Variants in CCDC47 observed in about 807,000 individuals in gnomAD.
CCDC47 encodes coiled-coil domain containing 47.
CCDC47 carries 41 observed loss-of-function variants against 60.5 expected under a neutral mutation model. That is an observed-to-expected ratio of 0.68 (90% CI 0.53 to 0.88). The LOEUF (loss-of-function observed/expected upper bound fraction) is 0.88, where lower values mean the gene tolerates loss of function less well. CCDC47 is among the 40% of genes least tolerant of loss of function. The probability of loss-of-function intolerance (pLI) is 0.00; values close to 1 mark genes in which losing one functional copy is unlikely to be tolerated. For missense variants in CCDC47, 513 were observed against 580.9 expected (o/e 0.88, Z 1.20); for synonymous variants, 195 against 190.7 (o/e 1.02, Z -0.18).
intron 4 of CCDC47, chr17:63,762,053 C>A: frequency 2.1e-6 from 2 of 973,758 alleles, no homozygotes; most frequent in Non-Finnish European, 2.4e-6. Context: ...CTCACTATGT[C>A]TCCTATGAAT....
chr17:63,771,026 AAG>A (rs2039335728), intron 1 of CCDC47, among the ~76,000 whole-genome samples: 1 of 131,624 alleles, frequency 7.6e-6, no homozygotes, highest in South Asian at 2.9e-4. Flanking sequence ...GGAAGGAAGG[AAG>A]GAAGGAAGGA....
rs755980966 is a variant in CCDC47 at position 63,764,044 on chromosome 17, C to G, written c.519G>C (p.Glu173Asp). 3 of 1,593,030 alleles carry G rather than the reference C, an allele frequency of 1.9e-6. No individual in the cohort carries two copies. The highest frequency in any genetic ancestry group is 2.6e-6 in the Non-Finnish European group (3 of 1,174,280). ...LAQAWFNTHR[E>D]LLESNFTLVG... is the part of the protein sequence containing the mutation. ...CTAAAGTAAAGTTGCTCTCCAAAAG[C>G]TCCCTATGAGTGTTAAACCAGGCCT... The change falls in exon 4 of 13, where the codon GAG becomes GAC. Residue 173 changes from glutamate (E) to aspartate (D), a missense_variant. Physicochemically the swap from Glu to Asp is conservative, Grantham distance 45. Coordinates refer to ENST00000225726, the MANE Select transcript of CCDC47 (RefSeq NM_020198.3).
Position 63,752,819 on chromosome 17 carries a change from AATT to A in CCDC47, c.1035-23_1035-21del, listed in dbSNP as rs753225025. 2 of 1,608,578 alleles carry A rather than the reference AATT, an allele frequency of 1.2e-6. No homozygotes were observed. The highest frequency in any genetic ancestry group is 2.2e-5 in the South Asian group (2 of 90,292). On this transcript the variant is annotated intron_variant, in intron 9 of 12. Coordinates refer to ENST00000225726, the MANE Select transcript of CCDC47 (RefSeq NM_020198.3). ...CCTTCCCTGTCATAAAAGAAAAGGCAATTAAGAAGGAATACAAGAAAGATGTTT... is the reference window on the plus strand; with the variant it reads ...CCTTCCCTGTCATAAAAGAAAAGGCAAAGAAGGAATACAAGAAAGATGTTT...
rs755980966 is a variant in CCDC47, at chr17:63,764,044, C to T, written c.519G>A (p.Glu173=). Reference sequence around the variant, plus strand: ...CTAAAGTAAAGTTGCTCTCCAAAAGCTCCCTATGAGTGTTAAACCAGGCCT... The same window carrying T: ...CTAAAGTAAAGTTGCTCTCCAAAAGTTCCCTATGAGTGTTAAACCAGGCCT... ...LAQAWFNTHR[E]LLESNFTLVG... The change falls in exon 4 of 13, where the codon GAG becomes GAA. Residue 173 remains glutamate, a synonymous_variant. Coordinates refer to ENST00000225726, the MANE Select transcript of CCDC47 (RefSeq NM_020198.3). 2.3e-5 allele frequency: 37 copies of T among 1,593,030 alleles called. No homozygotes were observed. Among genetic ancestry groups the T allele is most frequent in the South Asian group, 2.3e-4 (20 of 86,676 alleles).
chr17:63,756,979 G>A (rs1263481373), intron 6 of CCDC47, among the ~76,000 whole-genome samples: 2 of 152,094 alleles, frequency 1.3e-5, no homozygotes, highest in Non-Finnish European at 2.9e-5. Context: ...AGGGACTACA[G>A]TAGTTCGTGC....
At position 63,746,466 on chromosome 17, in the gene CCDC47, C is replaced by T. The variant is rs183612015; in HGVS notation, c.*415G>A. ...TATTTGCAGAATCTTGGTTTAGAGTCAGTCTTTATAGCCATTTCAACTGCT... is the reference window on the plus strand; with the variant it reads ...TATTTGCAGAATCTTGGTTTAGAGTTAGTCTTTATAGCCATTTCAACTGCT... On this transcript the variant is annotated 3_prime_UTR_variant, in exon 13 of 13. Transcript: ENST00000225726. The T allele has an allele frequency of 1.6e-3, 255 of 157,634 alleles. No homozygotes were observed. The highest frequency in any genetic ancestry group is 3.4e-3 in the Middle Eastern group (1 of 298). 9.8% of individuals were successfully genotyped at this position (157,634 alleles called of 1,614,324 possible).
At chr17:63,761,849 AAC>A in intron 4 of CCDC47, 1 of 966,268 alleles carries the variant, frequency 1.0e-6, no homozygotes, top group Non-Finnish European at 1.2e-6. Context: ...TTACTTTTAA[AAC>A]TATTGTCTGT....
intron 1 of CCDC47, among the ~76,000 whole-genome samples, chr17:63,767,442 C>A (rs2039305208): frequency 6.6e-6 from 1 of 151,970 alleles, no homozygotes; most frequent in South Asian, 2.1e-4. Flanking sequence ...AACAATGTAA[C>A]CATTTTCCCA....
At position 63,752,116 on chromosome 17, in the gene CCDC47, A is replaced by G. The variant is rs1283585497; in HGVS notation, c.1204-9T>C. ...TCTGCTTTTTGTTTGCCCTTCCCCA[A>G]GAAACAAAGTATTTCATAAGAAATC... On this transcript the variant is annotated splice_polypyrimidine_tract_variant and intron_variant, in intron 11 of 12. Coordinates refer to ENST00000225726, the MANE Select transcript of CCDC47 (RefSeq NM_020198.3). The G allele has an allele frequency of 2.5e-6, 4 of 1,611,998 alleles. No individual in the cohort carries two copies. The highest frequency in any genetic ancestry group is 3.4e-6 in the Non-Finnish European group (4 of 1,179,110).
intron 6 of CCDC47, among the ~76,000 whole-genome samples, chr17:63,757,176 C>T (rs977968352): frequency 1.1e-4 from 15 of 134,174 alleles, no homozygotes; most frequent in African/African-American, 4.2e-4. Flanking sequence ...GCCTAGGCAA[C>T]ATAATGGGAC....
chr17:63,771,009 A>AAGGAAGGAAGGAAGGAAGG (rs1568253128), intron 1 of CCDC47, among the ~76,000 whole-genome samples: 1 of 69,148 alleles, frequency 1.4e-5, no homozygotes, highest in African/African-American at 5.6e-5. Context: ...AGAAAGAAAG[A>AAGGAAGGAAGGAAGGAAGG]AAGAAAGGAA....
At chr17:63,761,885 G>T in intron 4 of CCDC47, 1 of 788,622 alleles carries the variant, frequency 1.3e-6, no homozygotes, top group Non-Finnish European at 1.5e-6. Context: ...TGGATTCTAA[G>T]CACATGCTTG....
chr17:63,768,454 G>A (rs992385326), intron 1 of CCDC47, among the ~76,000 whole-genome samples: 2 of 150,132 alleles, frequency 1.3e-5, no homozygotes, highest in Non-Finnish European at 2.9e-5. Flanking sequence ...GTGGGAGACT[G>A]GGGTGAGTGA....
chr17:63,760,636 C>T (rs933917663), intron 6 of CCDC47, among the ~76,000 whole-genome samples: 3 of 152,008 alleles, frequency 2.0e-5, no homozygotes, highest in East Asian at 3.9e-4. Flanking sequence ...GTCAGGAGTT[C>T]GAGACTGGCC....
In CCDC47 at chr17:63,759,505, AAAAATATATATATATATATATTTATATAT is replaced by A. The variant is rs1568249015; in HGVS notation, c.735+1380_735+1408del. Among the ~76,000 whole-genome samples, 13 of 24,058 alleles carry A rather than the reference AAAAATATATATATATATATATTTATATAT, an allele frequency of 5.4e-4. 2 individuals are homozygous for A. The African/African-American group carries it at 6.0e-3, about 11-fold the overall frequency. 15.8% of individuals were successfully genotyped at this position (24,058 alleles called of 152,430 possible). The stretch of plus-strand genomic sequence containing the variant: ...TTCTGTCTCCCAAAAAAAAAAAAAA[AAAAATATATATATATATATATTTATATAT>A]ATATATATATATATATATATATATA... On this transcript the variant is annotated intron_variant, in intron 6 of 12. Coordinates refer to ENST00000225726, the MANE Select transcript of CCDC47 (RefSeq NM_020198.3).
chr17:63,751,108 G>A (rs2039160564), intron 12 of CCDC47, among the ~76,000 whole-genome samples: 1 of 148,228 alleles, frequency 6.7e-6, no homozygotes, highest in Admixed American at 6.8e-5. Context: ...TTGAACTCCT[G>A]GGCTCAAGCA....
chr17:63,770,022 G>A (rs578203739), intron 1 of CCDC47, among the ~76,000 whole-genome samples: 2 of 147,372 alleles, frequency 1.4e-5, no homozygotes, highest in Admixed American at 6.8e-5. Context: ...GTGTAGTGGC[G>A]TGATCTCGGG....
At position 63,746,352 on chromosome 17, in the gene CCDC47, A is replaced by C. The variant is rs1044507909; in HGVS notation, c.*529T>G. 8 of 153,432 alleles carry C rather than the reference A, an allele frequency of 5.2e-5. No individual in the cohort carries two copies. Among genetic ancestry groups the C allele is most frequent in the African/African-American group, 1.9e-4 (8 of 41,556 alleles). 9.5% of individuals were successfully genotyped at this position (153,432 alleles called of 1,614,324 possible). ...TGGGTCCCTGAAATTTCATTACTAC[A>C]TACAGTGTTCTAATTTTTACTTTTT... On this transcript the variant is annotated 3_prime_UTR_variant, in exon 13 of 13. Coordinates refer to ENST00000225726, the MANE Select transcript of CCDC47 (RefSeq NM_020198.3).
At chr17:63,759,841 G>A (rs866642956) in intron 6 of CCDC47, among the ~76,000 whole-genome samples, 18 of 151,046 alleles carry the variant, frequency 1.2e-4, no homozygotes, top group African/African-American at 3.1e-4. Flanking sequence ...CAACACGGGC[G>A]GATCACGAGG....
Sources: allele counts gnomAD v4.1 joint callset (sites outside exome capture counted in the v4.1 genomes callset), GRCh38; gene constraint gnomAD v4.1.1; transcripts MANE v1.5; gene names NCBI Gene and HGNC (gene_info 2026-07-23, HGNC 2026-07-21).